Variants in PDE1A observed in about 807,000 individuals in gnomAD.
The protein encoded by PDE1A is phosphodiesterase 1A.
PDE1A carries 35 observed loss-of-function variants against 61.7 expected under a neutral mutation model. The observed-to-expected ratio is 0.57, with a 90% confidence interval of 0.43 to 0.75. The LOEUF (loss-of-function observed/expected upper bound fraction) is 0.75. Among genes scored for constraint, PDE1A ranks in the 30% least tolerant of loss-of-function variants. The probability of loss-of-function intolerance (pLI) is 0.00; values close to 1 mark genes in which losing one functional copy is unlikely to be tolerated. For missense variants in PDE1A, 597 were observed against 630.6 expected (o/e 0.95, Z 0.57); for synonymous variants, 232 against 213.2 (o/e 1.09, Z -0.77).
At chr2:182,516,744 A>AAGGAAGGAAGGAAGG (rs1690195358) in intron 2 of PDE1A, among the ~76,000 whole-genome samples, 1 of 71,110 alleles carries the variant, frequency 1.4e-5, no homozygotes, top group African/African-American at 4.5e-5. Flanking sequence ...AAGGAAGGAA[A>AAGGAAGGAAGGAAGG]AAGAGAGAAA....
At chr2:182,261,835 T>C (rs532123343) in intron 2 of PDE1A, among the ~76,000 whole-genome samples, 1 of 152,318 alleles carries the variant, frequency 6.6e-6, no homozygotes, top group African/African-American at 2.4e-5. Context: ...ACCAGGTAGT[T>C]AGCATTATGC....
chr2:182,167,502 T>C (rs1484188967), downstream of PDE1A, among the ~76,000 whole-genome samples: 2 of 152,158 alleles, frequency 1.3e-5, no homozygotes, highest in Non-Finnish European at 2.9e-5. Flanking sequence ...AGGCATGTGC[T>C]TGACTCTGCT....
At chr2:182,615,535 A>G in the PDE1A span, among the ~76,000 whole-genome samples, 2 of 152,228 alleles carry the variant, frequency 1.3e-5, no homozygotes, top group South Asian at 2.1e-4. Flanking sequence ...ATTAAATATA[A>G]TTATCTCGAC....
At chr2:182,684,123 CAA>C in the PDE1A span, among the ~76,000 whole-genome samples, 11 of 52,036 alleles carry the variant, frequency 2.1e-4, no homozygotes, top group Admixed American at 2.3e-4. Context: ...AACTCCATCT[CAA>C]AAAAAAAAAA....
At chr2:182,536,304 G>A in the PDE1A span, among the ~76,000 whole-genome samples, 1 of 152,160 alleles carries the variant, frequency 6.6e-6, no homozygotes, top group African/African-American at 2.4e-5. Context: ...GAAAATTTTA[G>A]TATATTCTAT....
rs754366866 is a variant in PDE1A, at chr2:182,264,436, A to G, written c.54-22T>C. On this transcript the variant is annotated intron_variant, in intron 1 of 13. Coordinates refer to ENST00000351439, the Ensembl canonical transcript of PDE1A. The stretch of plus-strand genomic sequence containing the variant: ...TAGTCTATTTCAAAAAAGTAGCCAA[A>G]GAGAGAAAGAGCAAGGAATTTATTG... The G allele has an allele frequency of 1.6e-4, 238 of 1,528,446 alleles. 4 individuals are homozygous for G. In the South Asian group the frequency reaches 2.3e-3, roughly 15 times the overall value. The allele number at this position is 1,528,446 out of a possible 1,614,324, so 94.7% of individuals were successfully genotyped here. A position where few individuals can be genotyped will look rare whatever the true frequency, so the allele number is the denominator to read the frequency against.
At chr2:182,365,193 T>C (rs1283530105) in intron 1 of PDE1A, among the ~76,000 whole-genome samples, 3 of 152,050 alleles carry the variant, frequency 2.0e-5, no homozygotes, top group African/African-American at 7.2e-5. Flanking sequence ...AATAGGATGC[T>C]CTTAGTAATT....
chr2:182,375,518 G>T (rs1700351456), intron 1 of PDE1A, among the ~76,000 whole-genome samples: 1 of 152,146 alleles, frequency 6.6e-6, no homozygotes, highest in African/African-American at 2.4e-5. Flanking sequence ...CATGGCCTTG[G>T]GCAGCTCCAC....
At chr2:182,671,621 C>CTT in the PDE1A span, among the ~76,000 whole-genome samples, 4,248 of 124,256 alleles carry the variant, frequency 0.034, 158 homozygotes, top group East Asian at 0.095. Context: ...CTTTCTTTTT[C>CTT]TTTTTTTTTT....
intron 11 of PDE1A, among the ~76,000 whole-genome samples, chr2:182,187,840 G>T (rs939035603): frequency 1.1e-4 from 16 of 147,636 alleles, no homozygotes; most frequent in Admixed American, 4.9e-4. Context: ...TGCCTCCTGG[G>T]TTCAAGTGAT....
At chr2:182,277,761 G>A (rs760140649) in intron 1 of PDE1A, among the ~76,000 whole-genome samples, 2 of 152,086 alleles carry the variant, frequency 1.3e-5, no homozygotes, top group African/African-American at 2.4e-5. Flanking sequence ...ACTGAGGTAA[G>A]CACAGTTCCA....
At chr2:182,234,332 G>A (rs1689831437) in intron 4 of PDE1A, 100 bp downstream of exon 4, 1 of 747,354 alleles carries the variant, frequency 1.3e-6, no homozygotes, top group Non-Finnish European at 2.3e-6. Context: ...GTTCTAAGAT[G>A]TAGGCTGCAG....
chr2:182,426,799 G>A, exon 1 of PDE1A: 1 of 1,445,342 alleles, frequency 6.9e-7, no homozygotes, highest in Non-Finnish European at 9.1e-7. Context: ...TCTGCCAGCT[G>A]AGCAGTGTGT....
At chr2:182,580,504 G>C in the PDE1A span, among the ~76,000 whole-genome samples, 1 of 152,096 alleles carries the variant, frequency 6.6e-6, no homozygotes, top group East Asian at 1.9e-4. Flanking sequence ...TCTCTTTAAA[G>C]ACTTGACTTC....
At chr2:182,241,485 G>A (rs1690504297) in intron 2 of PDE1A, among the ~76,000 whole-genome samples, 1 of 152,104 alleles carries the variant, frequency 6.6e-6, no homozygotes, top group Admixed American at 6.5e-5. Context: ...TCAAAAAGCA[G>A]GGACAAAACA....
intron 1 of PDE1A, among the ~76,000 whole-genome samples, chr2:182,305,286 T>A (rs2125927814): frequency 6.6e-6 from 1 of 152,236 alleles, no homozygotes; most frequent in Non-Finnish European, 1.5e-5. Context: ...ACTTCCCCCG[T>A]TGTTAAGTAA....
chr2:182,223,251 T>C lies in PDE1A; in HGVS notation c.776+613A>G, dbSNP rs549406894. On this transcript the variant is annotated intron_variant, in intron 7 of 13. Transcript: ENST00000351439. ...GAAACCAAACCAGCTGACACTGTGA[T>C]CCTGTACTCCTAGCATCCATAATTG... Among the ~76,000 whole-genome samples, 6 of 152,124 alleles carry C rather than the reference T, an allele frequency of 3.9e-5. No individual in the cohort carries two copies. The East Asian group carries it at 1.2e-3, about 29-fold the overall frequency.
intron 2 of PDE1A, among the ~76,000 whole-genome samples, chr2:182,465,236 T>C (rs2125782899): frequency 6.6e-6 from 1 of 152,248 alleles, no homozygotes; most frequent in South Asian, 2.1e-4. Context: ...AAGTTTACTT[T>C]TCAAATCACA....
At position 182,246,401 on chromosome 2, in the gene PDE1A, C is replaced by CTTTTTTTTTTTTTTTTTTTTTTTTT. The variant is rs761118177; in HGVS notation, c.168-6110_168-6109insAAAAAAAAAAAAAAAAAAAAAAAAA. 4.9e-5 allele frequency among the ~76,000 whole-genome samples: 3 copies of CTTTTTTTTTTTTTTTTTTTTTTTTT among 61,514 alleles called. 1 individual carries two copies. The highest frequency in any genetic ancestry group is 8.7e-5 in the Non-Finnish European group (3 of 34,626). 40.4% of individuals were successfully genotyped at this position (61,514 alleles called of 152,430 possible). A position where few individuals can be genotyped will look rare whatever the true frequency, so the allele number is the denominator to read the frequency against. On this transcript the variant is annotated intron_variant, in intron 2 of 13. Transcript: ENST00000351439. ...TCTACTATAGTCTTTTTTCTTTTTT[C>CTTTTTTTTTTTTTTTTTTTTTTTTT]TTTCTTTTTTTTTTTTTTTTTTGAC...
Sources: gnomAD v4.1 joint callset for allele counts (sites outside exome capture counted in the v4.1 genomes callset) on GRCh38, gnomAD v4.1.1 for gene constraint, MANE v1.5 for transcripts, NCBI Gene and HGNC (gene_info 2026-07-23, HGNC 2026-07-21) for gene names.